Variants in SLC18B1 observed in about 807,000 individuals in gnomAD.
The protein encoded by SLC18B1 is MFS-type transporter SLC18B1.
In SLC18B1, 62 loss-of-function variants were observed where a neutral mutation model predicts 53.9. The observed-to-expected ratio is 1.15, with a 90% CI of 0.94 to 1.42. The LOEUF is 1.42. SLC18B1 is among the 40% of genes most tolerant of loss of function. The pLI is 0.00. For missense variants in SLC18B1, 598 were observed against 547.3 expected, an observed-to-expected ratio of 1.09 and a Z score of -0.93; for synonymous variants, 217 against 200.9, an observed-to-expected ratio of 1.08 and a Z score of -0.68.
At position 132,783,869 on chromosome 6, in the gene SLC18B1, G is replaced by T. The variant is rs1184016500; in HGVS notation, c.658+64C>A. 1.9e-5 allele frequency: 23 copies of T among 1,234,972 alleles called. 1 individual carries two copies. In the South Asian group the frequency reaches 4.2e-4, roughly 22 times the overall value. The allele number at this position is 1,234,972 out of a possible 1,614,324, so 76.5% of individuals were successfully genotyped here. ...TATAAAATAATAACTGGTAAAACTG[G>T]TCTCTTACAAAGGTATAAAAATATA... On this transcript the variant is annotated intron_variant, in intron 6 of 13. Coordinates refer to ENST00000275227, the MANE Select transcript of SLC18B1 (RefSeq NM_052831.3).
At chr6:132,780,731 T>G (rs745829908) in intron 6 of SLC18B1, among the ~76,000 whole-genome samples, 12 of 151,976 alleles carry the variant, frequency 7.9e-5, no homozygotes, top group African/African-American at 1.2e-4. Context: ...CCAGCTAATT[T>G]TTGTATTTTT....
rs971951184 is a variant in SLC18B1, at chr6:132,798,470, A to T, written c.-14T>A. 6.0e-6 allele frequency: 9 copies of T among 1,499,830 alleles called. No homozygotes were observed. The highest frequency in any genetic ancestry group is 8.0e-6 in the Non-Finnish European group (9 of 1,119,010). The allele number at this position is 1,499,830 out of a possible 1,614,324, so 92.9% of individuals were successfully genotyped here. A position where few individuals can be genotyped will look rare whatever the true frequency, so the allele number is the denominator to read the frequency against. ...CAGCGCCTCCATCCCCGGTGCGTGG[A>T]CTCCGGCGCCCCAGCTCCCGGCTTC... On this transcript the variant is annotated 5_prime_UTR_variant, in exon 1 of 14. Transcript: ENST00000275227.
chr6:132,776,525 A>G, intron 7 of SLC18B1, 96 bp from the exon 8 acceptor site: 1 of 810,766 alleles, frequency 1.2e-6, no homozygotes, highest in South Asian at 1.7e-5. Context: ...TCTTATTACC[A>G]TGAGTCTACT....
intron 6 of SLC18B1, among the ~76,000 whole-genome samples, chr6:132,783,605 A>G (rs76395677): frequency 0.014 from 2,113 of 152,356 alleles, 46 homozygotes; most frequent in African/African-American, 0.045. Flanking sequence ...CTCCTAGCTT[A>G]TAGCCTTCTA....
At chr6:132,770,658 C>T (rs1294926383) in intron 13 of SLC18B1, among the ~76,000 whole-genome samples, 1 of 152,158 alleles carries the variant, frequency 6.6e-6, no homozygotes, top group South Asian at 2.1e-4. Context: ...ACCGCTTGAA[C>T]CCGGGGGGCA....
chr6:132,786,268 G>A (rs1227755536), intron 5 of SLC18B1, among the ~76,000 whole-genome samples: 5 of 152,128 alleles, frequency 3.3e-5, no homozygotes, highest in South Asian at 4.1e-4. Context: ...AGAACGTGCC[G>A]GGCACGGTGG....
chr6:132,782,856 C>T (rs112182098), intron 6 of SLC18B1, among the ~76,000 whole-genome samples: 3 of 151,260 alleles, frequency 2.0e-5, no homozygotes, highest in African/African-American at 7.3e-5. Context: ...CTCACTGCAA[C>T]CTCCGCCTCC....
chr6:132,779,720 G>A lies in SLC18B1; in HGVS notation c.659-316C>T, dbSNP rs565522672. Among the ~76,000 whole-genome samples, 9 of 152,274 alleles carry A rather than the reference G, an allele frequency of 5.9e-5. No homozygotes were observed. In the East Asian group the frequency reaches 1.4e-3, roughly 23 times the overall value. On this transcript the variant is annotated intron_variant, in intron 6 of 13. Coordinates refer to ENST00000275227, the MANE Select transcript of SLC18B1 (RefSeq NM_052831.3). ...CTGGCCAGAGATAATATCAGGTTTG[G>A]ACATGTATTAGTCTGTTCTCATGCT...
intron 2 of SLC18B1, among the ~76,000 whole-genome samples, chr6:132,792,300 G>C: frequency 3.2e-5 from 1 of 31,464 alleles, no homozygotes; most frequent in South Asian, 1.2e-3. Context: ...AGGAAGGAAG[G>C]AAGGAAGGAA....
chr6:132,774,601 A>C (rs1781055526), intron 8 of SLC18B1, among the ~76,000 whole-genome samples: 1 of 152,136 alleles, frequency 6.6e-6, no homozygotes, highest in Non-Finnish European at 1.5e-5. Flanking sequence ...TAACAACGAA[A>C]AAACTCATTA....
Position 132,790,070 on chromosome 6 carries a change from A to G in SLC18B1, c.279+107T>C, listed in dbSNP as rs1781484070. On this transcript the variant is annotated intron_variant, in intron 3 of 13. Transcript: ENST00000275227. Reference sequence around the variant, plus strand: ...CAACACTGGCACAATTTATAAAACTATAACGATGGCTATTTCTGTATCAAT... The same window carrying G: ...CAACACTGGCACAATTTATAAAACTGTAACGATGGCTATTTCTGTATCAAT... 3.5e-6 allele frequency: 3 copies of G among 862,304 alleles called. No individual in the cohort carries two copies. The East Asian group carries it at 8.1e-5, about 23-fold the overall frequency. 53.4% of individuals were successfully genotyped at this position (862,304 alleles called of 1,614,324 possible). A position where few individuals can be genotyped will look rare whatever the true frequency, so the allele number is the denominator to read the frequency against.
At chr6:132,790,018 A>C (rs1781482606) in intron 3 of SLC18B1, among the ~76,000 whole-genome samples, 159 bp downstream of exon 3, 1 of 152,248 alleles carries the variant, frequency 6.6e-6, no homozygotes, top group Non-Finnish European at 1.5e-5. Flanking sequence ...AGAGTTAAAA[A>C]TCAATCAACT....
chr6:132,778,084 C>G (rs76070416), intron 7 of SLC18B1, among the ~76,000 whole-genome samples: 7,363 of 152,016 alleles, frequency 0.048, 614 homozygotes, highest in African/African-American at 0.17. Context: ...TTATCTCTTG[C>G]GGGCAGGGGC....
In SLC18B1 at chr6:132,787,557, C is replaced by A; in HGVS notation, c.378G>T (p.Gly126=). Residue 126 remains glycine, a synonymous_variant, in exon 5 of 14, where the codon GGG becomes GGT. Transcript: ENST00000275227. Reference sequence around the variant, plus strand: ...GAAAACACATAGCAATAAATACTGGCCCATCTGGAACTCGGTCCAATACAC... The same window carrying A: ...GAAAACACATAGCAATAAATACTGGACCATCTGGAACTCGGTCCAATACAC... ...LFGVLDRVPD[G]PVFIAMCFLV... 1.9e-6 allele frequency: 3 copies of A among 1,603,290 alleles called. No individual in the cohort carries two copies. Among genetic ancestry groups the A allele is most frequent in the Non-Finnish European group, 2.6e-6 (3 of 1,176,146 alleles).
intron 8 of SLC18B1, among the ~76,000 whole-genome samples, chr6:132,775,712 C>A (rs1201484477): frequency 6.6e-6 from 1 of 152,044 alleles, no homozygotes; most frequent in African/African-American, 2.4e-5. Context: ...TTTTGCTTTT[C>A]TTTTTATCAG....
In SLC18B1 at chr6:132,792,293, AAGG is replaced by A. The variant is rs1562271487; in HGVS notation, c.184-2024_184-2022del. ...AAAGAAAGAAAGAAAGGAAGAAAGG[AAGG>A]AAGGAAGGAAGGAAGGAAGGAAGGA... On this transcript the variant is annotated intron_variant, in intron 2 of 13. Coordinates refer to ENST00000275227, the MANE Select transcript of SLC18B1 (RefSeq NM_052831.3). Among the ~76,000 whole-genome samples, 237 of 82,254 alleles carry A rather than the reference AAGG, an allele frequency of 2.9e-3. 4 individuals carry two copies. The highest frequency in any genetic ancestry group is 0.011 in the Middle Eastern group (2 of 188). 54.0% of individuals were successfully genotyped at this position (82,254 alleles called of 152,430 possible). A position where few individuals can be genotyped will look rare whatever the true frequency, so the allele number is the denominator to read the frequency against.
Position 132,770,914 on chromosome 6 carries a change from A to T in SLC18B1, c.1280T>A (p.Leu427Gln). The change falls in exon 13 of 14, where the codon CTA becomes CAA. Residue 427 changes from leucine to glutamine, a missense_variant. By Grantham distance (113) the Leu-to-Gln change is moderately radical. Transcript: ENST00000275227. ...ISGLAMGLFY[L>Q]LEYSRRKRSK... ...CCTTTTTCTCCTTGAATACTCCAGTAGATAAAACAAGCCCATGGCTAATCC... is the reference window on the plus strand; with the variant it reads ...CCTTTTTCTCCTTGAATACTCCAGTTGATAAAACAAGCCCATGGCTAATCC... 1.2e-6 allele frequency: 2 copies of T among 1,612,622 alleles called. No individual in the cohort carries two copies. Among genetic ancestry groups the T allele is most frequent in the Non-Finnish European group, 1.7e-6 (2 of 1,179,610 alleles).
At chr6:132,784,183 T>C (rs1459188712) in intron 5 of SLC18B1, 94 bp from the exon 6 acceptor site, 2 of 1,019,638 alleles carry the variant, frequency 2.0e-6, no homozygotes, top group Non-Finnish European at 2.7e-6. Flanking sequence ...TTCTTCATAA[T>C]TTACATACAC....
chr6:132,778,003 G>A (rs1462340001), intron 7 of SLC18B1, among the ~76,000 whole-genome samples: 1 of 152,188 alleles, frequency 6.6e-6, no homozygotes, highest in Admixed American at 6.5e-5. Context: ...AAAGGAGTCA[G>A]CAAAGTGAGA....
Sources: gnomAD v4.1 joint callset for allele counts (sites outside exome capture counted in the v4.1 genomes callset) on GRCh38, gnomAD v4.1.1 for gene constraint, MANE v1.5 for transcripts, NCBI Gene and HGNC (gene_info 2026-07-23, HGNC 2026-07-21) for gene names.